Variants in KMT2E observed in about 807,000 individuals in gnomAD.
The protein encoded by KMT2E is lysine methyltransferase 2E (inactive), also known as histone reader KMT2E.
KMT2E carries 30 observed loss-of-function variants against 184.6 expected under a neutral mutation model. The observed-to-expected ratio is 0.16, with a 90% CI of 0.12 to 0.22. KMT2E has a LOEUF of 0.22. KMT2E is among the 10% of genes least tolerant of loss of function. KMT2E has a pLI of 1.00. For synonymous variants in KMT2E, 815 were observed against 776.5 expected, an observed-to-expected ratio of 1.05 and a Z score of -0.82; for missense variants, 2,023 against 2,237.4, an observed-to-expected ratio of 0.90 and a Z score of 1.93.
At chr7:105,046,542 T>C (rs1451289690) in intron 3 of KMT2E, among the ~76,000 whole-genome samples, 7 of 152,346 alleles carry the variant, frequency 4.6e-5, no homozygotes, top group African/African-American at 1.7e-4. Context: ...TACATGTCTT[T>C]AATGATTTAC....
intron 16 of KMT2E, 145 bp from the exon 17 acceptor site, chr7:105,101,741 A>G (rs1798663316): frequency 4.2e-6 from 4 of 945,182 alleles, no homozygotes; most frequent in South Asian, 2.1e-5. Context: ...TTGAGATAAA[A>G]GACTATATAT....
At position 105,113,367 on chromosome 7, in the gene KMT2E, G is replaced by A. The variant is rs575427215; in HGVS notation, c.*34G>A. 5 of 1,579,170 alleles carry A rather than the reference G, an allele frequency of 3.2e-6. No homozygotes were observed. Among genetic ancestry groups the A allele is most frequent in the Non-Finnish European group, 3.5e-6 (4 of 1,157,940 alleles). On this transcript the variant is annotated 3_prime_UTR_variant, in exon 27 of 27. Transcript: ENST00000311117. ...CCAAAAACATTTTTTTAAATGTTCT[G>A]TAAGATAAACTGTATATTTCATATG...
At chr7:105,088,956 G>C (rs1330402820) in intron 13 of KMT2E, among the ~76,000 whole-genome samples, 2 of 152,314 alleles carry the variant, frequency 1.3e-5, no homozygotes, top group East Asian at 3.9e-4. Context: ...AGACAAACTA[G>C]TTGAGGTTCA....
chr7:105,087,318 G>A (rs1798025728), intron 13 of KMT2E, among the ~76,000 whole-genome samples: 1 of 138,694 alleles, frequency 7.2e-6, no homozygotes, highest in Non-Finnish European at 1.5e-5. Context: ...TATAAATATA[G>A]CATATATTAC....
chr7:105,085,652 GTCTT>G (rs1797933724), intron 13 of KMT2E, among the ~76,000 whole-genome samples: 1 of 151,852 alleles, frequency 6.6e-6, no homozygotes, highest in Non-Finnish European at 1.5e-5. Flanking sequence ...CATTGCATCT[GTCTT>G]CCTTCCTTCA....
chr7:105,035,438 G>T (rs900002195), intron 1 of KMT2E, among the ~76,000 whole-genome samples: 3 of 151,464 alleles, frequency 2.0e-5, no homozygotes, highest in Admixed American at 6.6e-5. Flanking sequence ...CAAAGTGCTG[G>T]GATTACAAGT....
intron 5 of KMT2E, among the ~76,000 whole-genome samples, chr7:105,065,534 CAG>C (rs749435983): frequency 2.0e-5 from 3 of 152,116 alleles, no homozygotes; most frequent in African/African-American, 7.2e-5. Flanking sequence ...CCTGAAACTG[CAG>C]AGAGTACTGA....
Position 105,014,229 on chromosome 7 carries a change from C to T in KMT2E, c.-495C>T, listed in dbSNP as rs1794612198. 5.2e-6 allele frequency: 1 copy of T among 193,420 alleles called. No individual in the cohort carries two copies. The highest frequency in any genetic ancestry group is 1.0e-5 in the Non-Finnish European group (1 of 98,848). 12.0% of individuals were successfully genotyped at this position (193,420 alleles called of 1,614,324 possible). ...CAGAGCGAGAGGCAGTGACACTGAGCGGGCGCAGGGGGCCGAGTCGGAGAC... is the reference window on the plus strand; with the variant it reads ...CAGAGCGAGAGGCAGTGACACTGAGTGGGCGCAGGGGGCCGAGTCGGAGAC... On this transcript the variant is annotated 5_prime_UTR_variant, in exon 1 of 27. Coordinates refer to ENST00000311117, the MANE Select transcript of KMT2E (RefSeq NM_182931.3).
At position 105,107,899 on chromosome 7, in the gene KMT2E, C is replaced by G; in HGVS notation, c.3442C>G (p.Pro1148Ala). The G allele has an allele frequency of 6.2e-7, 1 of 1,605,276 alleles. No individual in the cohort carries two copies. The highest frequency in any genetic ancestry group is 1.7e-4 in the Middle Eastern group (1 of 6,010). Residue 1148 changes from proline to alanine, a missense_variant, in exon 22 of 27, where the codon CCC becomes GCC. Around this residue, in one of 8 missense-constraint regions of KMT2E, gnomAD observed 1,108 missense variants for 1,050.9 expected, o/e 1.05. Coordinates refer to ENST00000311117, the MANE Select transcript of KMT2E (RefSeq NM_182931.3). ...CAATTTGATCGACGGGAATTGCACA[C>G]CCCAGAATCCACCACAAAAGAAAAA... is the stretch of plus-strand genomic sequence containing the variant. The part of the protein sequence containing the change: ...NDNLIDGNCT[P>A]QNPPQKKKVS...
In KMT2E at chr7:105,109,193, T is replaced by C. The variant is rs1291046734; in HGVS notation, c.3720T>C (p.Ala1240=). 2.5e-6 allele frequency: 4 copies of C among 1,613,936 alleles called. No individual in the cohort carries two copies. The highest frequency in any genetic ancestry group is 3.4e-6 in the Non-Finnish European group (4 of 1,179,962). ...GCAATAACTGCCCTGTTAAGGATGC[T>C]ACTGCTAGTGAGAAGAATGAACCAG... ...ETSNNCPVKD[A]TASEKNEPEV... Residue 1240 remains alanine, a synonymous_variant, in exon 23 of 27, where the codon GCT becomes GCC. Coordinates refer to ENST00000311117, the MANE Select transcript of KMT2E (RefSeq NM_182931.3).
chr7:105,111,843 G>C lies in KMT2E; in HGVS notation c.4087G>C (p.Val1363Leu). 1 of 1,612,888 alleles carries C rather than the reference G, an allele frequency of 6.2e-7. No homozygotes were observed. The highest frequency in any genetic ancestry group is 8.5e-7 in the Non-Finnish European group (1 of 1,179,470). Residue 1363 changes from valine (V) to leucine (L), a missense_variant, in exon 27 of 27, where the codon GTA (valine) becomes CTA (leucine). This residue lies in a region of KMT2E where 1,108 missense variants were observed against 1,050.9 expected (regional missense o/e 1.05). Coordinates refer to ENST00000311117, the MANE Select transcript of KMT2E (RefSeq NM_182931.3). ...TTCATAGCCTGGTTCACCTGGATCT[G>C]TAATTCCTGCTCAAGCACACGGGAA... ...KMSKPGSPGSVIPAQAHGKIF... is the reference protein window; with the variant it reads ...KMSKPGSPGSLIPAQAHGKIF...
chr7:105,048,015 A>G (rs566282300), intron 3 of KMT2E, among the ~76,000 whole-genome samples: 2 of 152,276 alleles, frequency 1.3e-5, no homozygotes, highest in African/African-American at 4.8e-5. Context: ...TATGGTAGAC[A>G]ATTGTGTGAA....
chr7:105,017,476 C>CT lies in KMT2E; in HGVS notation c.-189+2954dup, dbSNP rs367910684. On this transcript the variant is annotated intron_variant, in intron 1 of 26. Coordinates refer to ENST00000311117, the MANE Select transcript of KMT2E (RefSeq NM_182931.3). Reference sequence around the variant, plus strand: ...TTTAGTTCCTGTAAAATGATACTGGCTTTTTTTTTTTTTAAGTATTGTACC... The same window carrying CT: ...TTTAGTTCCTGTAAAATGATACTGGCTTTTTTTTTTTTTTAAGTATTGTACC... 4.1e-3 allele frequency among the ~76,000 whole-genome samples: 469 copies of CT among 113,556 alleles called. 4 individuals carry two copies. Among genetic ancestry groups the CT allele is most frequent in the East Asian group, 0.033 (131 of 3,948 alleles). The allele number at this position is 113,556 out of a possible 152,430, so 74.5% of individuals were successfully genotyped here.
At position 105,107,204 on chromosome 7, in the gene KMT2E, A is replaced by G; in HGVS notation, c.2886A>G (p.Arg962=). Residue 962 remains arginine, a synonymous_variant, in exon 21 of 27, where the codon AGA becomes AGG. Coordinates refer to ENST00000311117, the MANE Select transcript of KMT2E (RefSeq NM_182931.3). The part of the protein sequence containing the change: ...SSPESSPEIK[R]RTYSQEGYDR... The stretch of plus-strand genomic sequence containing the variant: ...CAGAAAGTTCTCCAGAAATAAAGAG[A>G]CGCACTTATAGTCAAGAGGTAAGAA... 6.4e-7 allele frequency: 1 copy of G among 1,557,396 alleles called. No individual in the cohort carries two copies. Among genetic ancestry groups the G allele is most frequent in the East Asian group, 2.3e-5 (1 of 44,282 alleles).
At chr7:105,104,202 CG>C (rs1798792470) in intron 17 of KMT2E, 2 of 151,890 alleles carry the variant, frequency 1.3e-5, no homozygotes, top group South Asian at 2.1e-4. Flanking sequence ...AATGGTTACT[CG>C]TTTTTTTTAA....
chr7:105,044,330 A>C (rs1796010195), intron 3 of KMT2E, among the ~76,000 whole-genome samples: 1 of 152,234 alleles, frequency 6.6e-6, no homozygotes, highest in Non-Finnish European at 1.5e-5. Flanking sequence ...TTTCACAGGG[A>C]TAGTAGGGAC....
intron 2 of KMT2E, among the ~76,000 whole-genome samples, chr7:105,040,613 G>A (rs1562885557): frequency 6.6e-6 from 1 of 152,130 alleles, no homozygotes; most frequent in Non-Finnish European, 1.5e-5. Context: ...ATATGCCGTA[G>A]TAATCTTCTT....
At chr7:105,070,373 A>G (rs796951596) in intron 6 of KMT2E, among the ~76,000 whole-genome samples, 4 of 152,112 alleles carry the variant, frequency 2.6e-5, no homozygotes, top group African/African-American at 7.2e-5. Flanking sequence ...GCTCACAGCT[A>G]TAATCCTAGC....
At chr7:105,043,163 A>G (rs966578273) in intron 3 of KMT2E, among the ~76,000 whole-genome samples, 3 of 151,996 alleles carry the variant, frequency 2.0e-5, no homozygotes, top group Non-Finnish European at 4.4e-5. Context: ...TTTTCTCTAA[A>G]TGCCTCCTCA....
Sources: gnomAD v4.1 joint callset for allele counts (sites outside exome capture counted in the v4.1 genomes callset) on GRCh38, gnomAD v4.1.1 for gene constraint, gnomAD v4.1.1 regional missense constraint, MANE v1.5 for transcripts, NCBI Gene and HGNC (gene_info 2026-07-23, HGNC 2026-07-21) for gene names.